Variants in RASGRF2 observed in about 807,000 individuals in gnomAD.
The protein encoded by RASGRF2 is ras-specific guanine nucleotide-releasing factor 2.
A neutral mutation model predicts 151.0 loss-of-function variants in RASGRF2; 76 were observed. The ratio of observed to expected loss-of-function variants is 0.50; its 90% CI spans 0.42 to 0.61. The LOEUF (loss-of-function observed/expected upper bound fraction) is 0.61. Ranked by LOEUF, RASGRF2 falls within the 20% of genes least tolerant of loss-of-function variation. The pLI is 0.00. For missense variants in RASGRF2, 1,148 were observed against 1,564.6 expected, an observed-to-expected ratio of 0.73 and a Z score of 4.49; for synonymous variants, 504 against 566.5, an observed-to-expected ratio of 0.89 and a Z score of 1.57.
chr5:81,033,440 CAAAACAG>C (rs1750343399), intron 1 of RASGRF2, among the ~76,000 whole-genome samples: 1 of 139,868 alleles, frequency 7.1e-6, no homozygotes. Context: ...GTACTGGTAC[CAAAACAG>C]AGATATAGAC....
At chr5:81,003,010 G>C (rs1749126599) in intron 1 of RASGRF2, among the ~76,000 whole-genome samples, 1 of 152,168 alleles carries the variant, frequency 6.6e-6, no homozygotes, top group Non-Finnish European at 1.5e-5. Flanking sequence ...TTATTTGCCA[G>C]AAGAGGGTAG....
rs140248478 is a variant in RASGRF2, at chr5:81,167,704, G to A, written c.2687-12471G>A. On this transcript the variant is annotated intron_variant, in intron 17 of 26. Coordinates refer to ENST00000265080, the MANE Select transcript of RASGRF2 (RefSeq NM_006909.3). ...TCTCCTCTCTGTGGCTGCCTCCAGG[G>A]CACATGAGGAAAAGCAGATGCCTCC... Among the ~76,000 whole-genome samples, 4 of 152,296 alleles carry A rather than the reference G, an allele frequency of 2.6e-5. No homozygotes were observed. In the East Asian group the frequency reaches 7.7e-4, roughly 29 times the overall value.
At chr5:80,995,473 T>A (rs1382204088) in intron 1 of RASGRF2, among the ~76,000 whole-genome samples, 3 of 151,636 alleles carry the variant, frequency 2.0e-5, no homozygotes, top group Non-Finnish European at 4.4e-5. Flanking sequence ...CCAGCTTTTA[T>A]ACGTGGTAAC....
intron 5 of RASGRF2, among the ~76,000 whole-genome samples, chr5:81,079,124 C>T (rs1190816950): frequency 1.3e-5 from 2 of 152,216 alleles, no homozygotes; most frequent in Non-Finnish European, 2.9e-5. Flanking sequence ...ACTGAATTTA[C>T]ATCCAGAACC....
chr5:80,986,404 T>C (rs1191543493), intron 1 of RASGRF2, among the ~76,000 whole-genome samples: 3 of 152,250 alleles, frequency 2.0e-5, no homozygotes, highest in Non-Finnish European at 4.4e-5. Flanking sequence ...TGTATCTGTC[T>C]GTCTTTTATT....
chr5:81,097,163 G>C (rs138480329), intron 12 of RASGRF2, among the ~76,000 whole-genome samples: 9,752 of 152,180 alleles, frequency 0.064, 383 homozygotes, highest in South Asian at 0.14. Context: ...GTCTCACCAT[G>C]TTGGCCAGGG....
chr5:80,995,613 T>C (rs984369277), intron 1 of RASGRF2, among the ~76,000 whole-genome samples: 3 of 151,496 alleles, frequency 2.0e-5, no homozygotes, highest in Non-Finnish European at 2.9e-5. Context: ...GCCAACAGCA[T>C]GTAGCTGTCT....
At chr5:81,215,769 G>T in intron 23 of RASGRF2, 107 bp from the exon 24 acceptor site, 1 of 1,312,734 alleles carries the variant, frequency 7.6e-7, no homozygotes, top group Non-Finnish European at 9.8e-7. Context: ...TCTGGCAAAG[G>T]TGTCAGCACC....
At chr5:81,157,114 C>T (rs1186048661) in intron 17 of RASGRF2, among the ~76,000 whole-genome samples, 2 of 151,882 alleles carry the variant, frequency 1.3e-5, no homozygotes, top group African/African-American at 4.8e-5. Context: ...ACTTGTAATC[C>T]CAGCACTTTG....
At chr5:81,054,842 A>G (rs892209054) in intron 2 of RASGRF2, among the ~76,000 whole-genome samples, 7 of 149,828 alleles carry the variant, frequency 4.7e-5, no homozygotes, top group Middle Eastern at 3.4e-3. Context: ...GGTCCTTCAC[A>G]TCCCTTGTAA....
chr5:81,130,042 G>A (rs1304509160), intron 17 of RASGRF2, among the ~76,000 whole-genome samples: 2 of 152,174 alleles, frequency 1.3e-5, no homozygotes, highest in African/African-American at 4.8e-5. Flanking sequence ...AACCAAAACG[G>A]CCAGCTCTTT....
intron 1 of RASGRF2, among the ~76,000 whole-genome samples, chr5:80,985,232 AAAC>A (rs1050532727): frequency 8.5e-5 from 13 of 152,238 alleles, no homozygotes; most frequent in Admixed American, 2.0e-4. Context: ...ACAACAACAA[AAAC>A]AACAACAACA....
intron 5 of RASGRF2, among the ~76,000 whole-genome samples, chr5:81,079,096 A>G (rs1752016292): frequency 6.6e-6 from 1 of 152,184 alleles, no homozygotes; most frequent in Non-Finnish European, 1.5e-5. Flanking sequence ...TGTCTTTCCA[A>G]GTGCATCTAT....
At chr5:80,968,663 A>G (rs1291850282) in intron 1 of RASGRF2, among the ~76,000 whole-genome samples, 1 of 152,314 alleles carries the variant, frequency 6.6e-6, no homozygotes, top group East Asian at 1.9e-4. Context: ...AGTATGTTAA[A>G]TCTTAAAGGG....
rs2112545981 is a variant in RASGRF2 at position 81,113,654 on chromosome 5, G to A, written c.2204G>A (p.Arg735Lys). The change falls in exon 15 of 27, where the codon AGA becomes AAA. Residue 735 changes from arginine to lysine, a missense_variant. By Grantham distance (26) the Arg-to-Lys change is conservative. Transcript: ENST00000265080. Reference sequence around the variant, plus strand: ...TCCCCGCCACCACTGGCTGTGTCCAGAACATCTTCCCCAGTGAGGGCCAGA... The same window carrying A: ...TCCCCGCCACCACTGGCTGTGTCCAAAACATCTTCCCCAGTGAGGGCCAGA... Reference protein sequence around the residue: ...FSSPPPLAVSRTSSPVRARKL... With the variant: ...FSSPPPLAVSKTSSPVRARKL... 6.2e-7 allele frequency: 1 copy of A among 1,612,994 alleles called. No homozygotes were observed. The highest frequency in any genetic ancestry group is 8.5e-7 in the Non-Finnish European group (1 of 1,178,986).
rs567867523 is a variant in RASGRF2, at chr5:81,111,152, T to C, written c.1839-1458T>C. Among the ~76,000 whole-genome samples the C allele has an allele frequency of 1.2e-4, 18 of 152,344 alleles. No individual in the cohort carries two copies. In the South Asian group the frequency reaches 3.7e-3, roughly 32 times the overall value. ...GCTAATTAAAGGCATTCACAACTGA[T>C]TCTCAGCCAACAGATTCTTAGCAAG... On this transcript the variant is annotated intron_variant, in intron 13 of 26. Coordinates refer to ENST00000265080, the MANE Select transcript of RASGRF2 (RefSeq NM_006909.3).
chr5:81,025,399 C>T (rs544313871), intron 1 of RASGRF2, among the ~76,000 whole-genome samples: 1 of 152,338 alleles, frequency 6.6e-6, no homozygotes, highest in African/African-American at 2.4e-5. Context: ...GAGCTCCTCA[C>T]ACTAGCTTGA....
chr5:81,163,920 G>A (rs1754445193), intron 17 of RASGRF2, among the ~76,000 whole-genome samples: 1 of 152,188 alleles, frequency 6.6e-6, no homozygotes, highest in Non-Finnish European at 1.5e-5. Flanking sequence ...CATGAGGTTA[G>A]TGTGGGTGTT....
chr5:81,012,444 G>A (rs927101444), intron 1 of RASGRF2, among the ~76,000 whole-genome samples: 25 of 152,066 alleles, frequency 1.6e-4, no homozygotes, highest in African/African-American at 5.1e-4. Flanking sequence ...TGCTAGACAC[G>A]GAGACATTTA....
Sources: gnomAD v4.1 joint callset for allele counts (sites outside exome capture counted in the v4.1 genomes callset) on GRCh38, gnomAD v4.1.1 for gene constraint, MANE v1.5 for transcripts, NCBI Gene and HGNC (gene_info 2026-07-23, HGNC 2026-07-21) for gene names.